Variants in FAAP20 observed in about 807,000 individuals in gnomAD.
The protein encoded by FAAP20 is FA core complex associated protein 20, also known as Fanconi anemia core complex-associated protein 20.
FAAP20 carries 12 observed loss-of-function variants against 16.2 expected under a neutral mutation model. The ratio of observed to expected loss-of-function variants is 0.74; its 90% CI spans 0.48 to 1.20. FAAP20 has a LOEUF of 1.20. Among genes scored for constraint, FAAP20 ranks in the 50% most tolerant of loss-of-function variants. The pLI is 0.00. For synonymous variants in FAAP20, 141 were observed against 110.7 expected (o/e 1.27, Z -1.72); for missense variants, 288 against 245.8 (o/e 1.17, Z -1.15).
At chr1:2,193,372 C>G in intron 3 of FAAP20, 1 of 565,896 alleles carries the variant, frequency 1.8e-6, no homozygotes. Flanking sequence ...CCAGGTGGAC[C>G]CGGGGCCAGT....
downstream of FAAP20, among the ~76,000 whole-genome samples, chr1:2,211,424 TATATATATA>T (rs1689438794): frequency 3.3e-5 from 1 of 30,744 alleles, no homozygotes; most frequent in African/African-American, 2.1e-4. Context: ...TATATATATA[TATATATATA>T]TATTTTTTTT....
chr1:2,205,591 G>A (rs1169939159), intron 3 of FAAP20, among the ~76,000 whole-genome samples: 1 of 152,160 alleles, frequency 6.6e-6, no homozygotes, highest in African/African-American at 2.4e-5. Flanking sequence ...GACGGCGAAG[G>A]GGCGGGTGAA....
downstream of FAAP20, among the ~76,000 whole-genome samples, chr1:2,189,011 G>GAAAAAAAA (rs71578368): frequency 3.2e-4 from 34 of 105,830 alleles, 1 homozygote; most frequent in East Asian, 5.2e-4. Flanking sequence ...TCTCAAAAAA[G>GAAAAAAAA]AAAAAAAAAA....
chr1:2,198,085 C>T (rs1187381959), upstream of FAAP20: 5 of 1,291,320 alleles, frequency 3.9e-6, no homozygotes, highest in Non-Finnish European at 5.1e-6. Context: ...CAAAGTTGAA[C>T]CTGATGAAAA....
chr1:2,184,845 A>T, downstream of FAAP20: 1 of 1,432,532 alleles, frequency 7.0e-7, no homozygotes, highest in Non-Finnish European at 9.7e-7. Flanking sequence ...GAGGATTCTT[A>T]TGCGAACGTG....
downstream of FAAP20, chr1:2,207,641 C>T (rs1313812826): frequency 2.0e-5 from 3 of 152,360 alleles, no homozygotes; most frequent in East Asian, 5.8e-4. Context: ...CAGGAGCAGC[C>T]GTGTTTCCTA....
upstream of FAAP20, chr1:2,198,298 A>G (rs369845922): frequency 3.8e-5 from 26 of 691,764 alleles, no homozygotes; most frequent in East Asian, 2.0e-4. Context: ...GGGGCATCAG[A>G]GCCACCCATC....
upstream of FAAP20, chr1:2,200,881 T>C: frequency 5.5e-6 from 6 of 1,083,698 alleles, no homozygotes; most frequent in South Asian, 1.4e-4. Context: ...AGAGGGTGGC[T>C]GGGACCCCCT....
At chr1:2,185,698 G>A (rs1181799663), downstream of FAAP20, among the ~76,000 whole-genome samples, 1 of 152,196 alleles carries the variant, frequency 6.6e-6, no homozygotes, top group East Asian at 1.9e-4. Flanking sequence ...ATTCTAAAAC[G>A]TGGCCCACCA....
upstream of FAAP20, chr1:2,198,957 G>A: frequency 7.8e-7 from 1 of 1,289,280 alleles, no homozygotes; most frequent in South Asian, 1.2e-5. Flanking sequence ...CAGATCTTTG[G>A]GGCAGCAGAG....
At chr1:2,194,257 G>A (rs1441463859) in intron 1 of FAAP20, 124 bp from the exon 2 acceptor site, 1 of 1,332,838 alleles carries the variant, frequency 7.5e-7, no homozygotes, top group East Asian at 2.5e-5. Flanking sequence ...AAATTCGATG[G>A]TGCGGGAGGT....
upstream of FAAP20, chr1:2,194,822 C>T (rs1688728614): frequency 2.8e-6 from 3 of 1,085,474 alleles, no homozygotes; most frequent in South Asian, 1.3e-4. Flanking sequence ...CGCCCCGGCC[C>T]CGCCTCCAGA....
chr1:2,192,507 G>A (rs984334514), intron 3 of FAAP20: 9 of 995,594 alleles, frequency 9.0e-6, no homozygotes, highest in African/African-American at 1.7e-5. Context: ...AAAAGCAGGC[G>A]ATGCAAAGAC....
At chr1:2,188,971 C>A (rs532711890), downstream of FAAP20, among the ~76,000 whole-genome samples, 53 of 148,664 alleles carry the variant, frequency 3.6e-4, no homozygotes, top group African/African-American at 1.3e-3. Context: ...CGCCACTGCA[C>A]TCCAGCCTGG....
downstream of FAAP20, among the ~76,000 whole-genome samples, chr1:2,189,019 A>G (rs1368095867): frequency 6.9e-6 from 1 of 145,188 alleles, no homozygotes; most frequent in African/African-American, 2.6e-5. Flanking sequence ...AAGAAAAAAA[A>G]AAAAAAAAAC....
At chr1:2,204,806 G>A (rs1276007145), upstream of FAAP20, among the ~76,000 whole-genome samples, 1 of 152,200 alleles carries the variant, frequency 6.6e-6, no homozygotes, top group South Asian at 2.1e-4. Flanking sequence ...CCCGCCGCCG[G>A]CTCACCCCAC....
Position 2,193,246 on chromosome 1 carries a change from A to G in FAAP20, c.470+393T>C, listed in dbSNP as rs1688448132. 1.2e-5 allele frequency: 4 copies of G among 337,480 alleles called. No homozygotes were observed. The Admixed American group carries it at 1.3e-4, about 11-fold the overall frequency. 20.9% of individuals were successfully genotyped at this position (337,480 alleles called of 1,614,324 possible). ...ATACGTTGGGTTTCAAAAATAAGAA[A>G]AAGCATCTCCAGACAAAAAAGACGA... On this transcript the variant is annotated intron_variant, in intron 3 of 3. Transcript: ENST00000378546.
upstream of FAAP20, among the ~76,000 whole-genome samples, chr1:2,197,544 A>G (rs949619810): frequency 3.3e-5 from 5 of 152,130 alleles, no homozygotes; most frequent in African/African-American, 1.2e-4. Context: ...CATCCCCTTG[A>G]GTCTTAGCCA....
chr1:2,198,281 G>T, upstream of FAAP20: 1 of 859,298 alleles, frequency 1.2e-6, no homozygotes, highest in Non-Finnish European at 1.6e-6. Flanking sequence ...AGGTGATCGA[G>T]TGGGTGGGGG....
Sources: gnomAD v4.1 joint callset for allele counts (sites outside exome capture counted in the v4.1 genomes callset) on GRCh38, gnomAD v4.1.1 for gene constraint, MANE v1.5 for transcripts, NCBI Gene and HGNC (gene_info 2026-07-23, HGNC 2026-07-21) for gene names.